BBS12: variants seen among roughly 807,000 people sequenced by gnomAD.
BBS12 encodes the protein Bardet-Biedl syndrome 12, also known as chaperonin-containing T-complex member BBS12.
Under a neutral mutation model 5.6 loss-of-function variants are expected in BBS12, and 5 were observed. The observed-to-expected ratio is 0.89, with a 90% confidence interval of 0.46 to 1.86. BBS12 has a LOEUF of 1.86. BBS12 is among the 40% of genes most tolerant of loss of function. The pLI is 0.01. For synonymous variants in BBS12, 308 were observed against 306.8 expected (o/e 1.00, Z -0.04); for missense variants, 748 against 830.4 (o/e 0.90, Z 1.22).
upstream of BBS12, among the ~76,000 whole-genome samples, chr4:122,728,207 A>G (rs1038914323): frequency 2.0e-5 from 3 of 152,204 alleles, no homozygotes; most frequent in South Asian, 2.1e-4. Context: ...AAACATATGT[A>G]TAAGGATATT....
At chr4:122,737,245 G>A (rs1800795682) in intron 1 of BBS12, among the ~76,000 whole-genome samples, 1 of 152,148 alleles carries the variant, frequency 6.6e-6, no homozygotes, top group Non-Finnish European at 1.5e-5. Flanking sequence ...AAGGCAGAAA[G>A]GTTTGGAAAA....
the BBS12 span, among the ~76,000 whole-genome samples, chr4:122,703,325 C>G: frequency 1.3e-5 from 2 of 149,866 alleles, no homozygotes; most frequent in African/African-American, 2.5e-5. Flanking sequence ...CTCTCTGCCT[C>G]GTAATCCTGA....
rs189642665 is a variant in BBS12, at chr4:122,732,790, T to G, written c.-105T>G. ...GACGGGGAACTGGGCTCCCTAGCCC[T>G]GGCGTTTTTGGTGTTGCTGTCCCAG... On this transcript the variant is annotated 5_prime_UTR_variant, in exon 1 of 2. Transcript: ENST00000314218. 6.6e-6 allele frequency: 1 copy of G among 152,328 alleles called. No individual in the cohort carries two copies. Among genetic ancestry groups the G allele is most frequent in the Non-Finnish European group, 1.5e-5 (1 of 68,142 alleles). 9.4% of individuals were successfully genotyped at this position (152,328 alleles called of 1,614,324 possible). A position where few individuals can be genotyped will look rare whatever the true frequency, so the allele number is the denominator to read the frequency against.
the BBS12 span, among the ~76,000 whole-genome samples, chr4:122,725,479 T>C: frequency 6.6e-6 from 1 of 152,186 alleles, no homozygotes; most frequent in Non-Finnish European, 1.5e-5. Context: ...AGCCAACTGA[T>C]CTTCGACAAA....
At chr4:122,723,416 T>G in the BBS12 span, among the ~76,000 whole-genome samples, 1 of 152,246 alleles carries the variant, frequency 6.6e-6, no homozygotes, top group Non-Finnish European at 1.5e-5. Flanking sequence ...CTTAAATAAT[T>G]ACAGAAGCAT....
the BBS12 span, among the ~76,000 whole-genome samples, chr4:122,726,821 G>C: frequency 6.6e-6 from 1 of 152,294 alleles, no homozygotes; most frequent in Non-Finnish European, 1.5e-5. Context: ...GATGGAACTG[G>C]AGACTATTAT....
the BBS12 span, among the ~76,000 whole-genome samples, chr4:122,716,696 T>A: frequency 7.9e-6 from 1 of 126,008 alleles, no homozygotes; most frequent in African/African-American, 3.8e-5. Flanking sequence ...TATGTGTATG[T>A]GTGTGTATAC....
the BBS12 span, among the ~76,000 whole-genome samples, chr4:122,726,237 C>T: frequency 6.6e-6 from 1 of 151,968 alleles, no homozygotes; most frequent in Admixed American, 6.6e-5. Flanking sequence ...AGAAAAAAAA[C>T]GATGCCATCA....
chr4:122,721,450 A>G, the BBS12 span, among the ~76,000 whole-genome samples: 3 of 152,250 alleles, frequency 2.0e-5, no homozygotes, highest in Non-Finnish European at 4.4e-5. Context: ...TCTAAGATGC[A>G]TGTAATATTC....
chr4:122,740,254 G>A (rs1284794976), intron 1 of BBS12, among the ~76,000 whole-genome samples: 7 of 151,888 alleles, frequency 4.6e-5, no homozygotes, highest in Non-Finnish European at 1.0e-4. Flanking sequence ...GTGACAGAGC[G>A]AGACCCTGTC....
the BBS12 span, among the ~76,000 whole-genome samples, chr4:122,723,000 CTTG>C: frequency 6.6e-6 from 1 of 152,132 alleles, no homozygotes; most frequent in East Asian, 1.9e-4. Flanking sequence ...GAAATTCTCT[CTTG>C]TTTTTTGTTT....
the BBS12 span, among the ~76,000 whole-genome samples, chr4:122,717,216 C>A: frequency 1.3e-5 from 2 of 151,992 alleles, no homozygotes; most frequent in East Asian, 1.9e-4. Context: ...GAGCCATGAC[C>A]AAGAAAACAA....
At position 122,742,848 on chromosome 4, in the gene BBS12, G is replaced by A; in HGVS notation, c.956G>A (p.Cys319Tyr). Reference protein sequence around the residue: ...MFDISRIFTCCLPGLPETSSC... With the variant: ...MFDISRIFTCYLPGLPETSSC... ...GACATTTCAAGAATTTTCACTTGCTGTCTACCAGGCTTACCTGAAACTTCT... is the reference window on the plus strand; with the variant it reads ...GACATTTCAAGAATTTTCACTTGCTATCTACCAGGCTTACCTGAAACTTCT... The change falls in exon 2 of 2, where the codon TGT (cysteine) becomes TAT (tyrosine). Residue 319 changes from cysteine (C) to tyrosine (Y), a missense_variant. Transcript: ENST00000314218. 1 of 1,614,204 alleles carries A rather than the reference G, an allele frequency of 6.2e-7. No individual in the cohort carries two copies. Among genetic ancestry groups the A allele is most frequent in the Non-Finnish European group, 8.5e-7 (1 of 1,180,042 alleles).
chr4:122,721,145 C>G, the BBS12 span, among the ~76,000 whole-genome samples: 3 of 152,042 alleles, frequency 2.0e-5, no homozygotes, highest in African/African-American at 7.2e-5. Context: ...CCTTTTCAGA[C>G]AAAAGCTCAG....
Position 122,743,203 on chromosome 4 carries a change from G to A in BBS12, c.1311G>A (p.Val437=). ...GTAAGCGGTTGGTAATCGGCTCAGT[G>A]AATGGCAGTGTGATGCAGGCTTTTG... ...INSKRLVIGS[V]NGSVMQAFAE... is the part of the protein sequence containing the mutation. Residue 437 remains valine (V), a synonymous_variant, in exon 2 of 2, where the codon GTG becomes GTA. Coordinates refer to ENST00000314218, the MANE Select transcript of BBS12 (RefSeq NM_152618.3). 1.1e-5 allele frequency: 17 copies of A among 1,614,224 alleles called. No individual in the cohort carries two copies. Among genetic ancestry groups the A allele is most frequent in the Non-Finnish European group, 1.4e-5 (17 of 1,180,042 alleles).
At chr4:122,738,709 T>A (rs758631009) in intron 1 of BBS12, among the ~76,000 whole-genome samples, 5 of 152,108 alleles carry the variant, frequency 3.3e-5, no homozygotes, top group Non-Finnish European at 5.9e-5. Context: ...AAGACTTGAA[T>A]AGACATTTCT....
At position 122,744,836 on chromosome 4, in the gene BBS12, C is replaced by G. The variant is rs309386; in HGVS notation, c.*811C>G. ...CCCCAAGGTCTTGACTCAATCAACT[C>G]TAAGTTCCAAGGGAGGACCAATAGG... is the stretch of plus-strand genomic sequence containing the variant. On this transcript the variant is annotated 3_prime_UTR_variant, in exon 2 of 2. Transcript: ENST00000314218. 73,584 of 166,946 alleles carry G rather than the reference C, an allele frequency of 0.44. 18,207 individuals carry two copies. Among genetic ancestry groups the G allele is most frequent in the African/African-American group, 0.67 (27,728 of 41,482 alleles). The allele number at this position is 166,946 out of a possible 1,614,324, so 10.3% of individuals were successfully genotyped here. A position where few individuals can be genotyped will look rare whatever the true frequency, so the allele number is the denominator to read the frequency against.
the BBS12 span, among the ~76,000 whole-genome samples, chr4:122,702,611 C>T: frequency 6.6e-6 from 1 of 152,160 alleles, no homozygotes; most frequent in Non-Finnish European, 1.5e-5. Context: ...ACTGGGCCTG[C>T]CTGGAATAGA....
chr4:122,733,407 ACACACAC>A (rs1800733817), intron 1 of BBS12, among the ~76,000 whole-genome samples: 1 of 147,686 alleles, frequency 6.8e-6, no homozygotes, highest in Non-Finnish European at 1.5e-5. Context: ...ACACACACAC[ACACACAC>A]ACACACACAC....
Sources: gnomAD v4.1 joint callset for allele counts (sites outside exome capture counted in the v4.1 genomes callset) on GRCh38, gnomAD v4.1.1 for gene constraint, MANE v1.5 for transcripts, NCBI Gene and HGNC (gene_info 2026-07-23, HGNC 2026-07-21) for gene names.